SNX29: variants seen among roughly 807,000 people sequenced by gnomAD.
SNX29 encodes the protein sorting nexin 29.
Under a neutral mutation model 102.1 loss-of-function variants are expected in SNX29, and 78 were observed. The ratio of observed to expected loss-of-function variants is 0.76; its 90% CI spans 0.64 to 0.92. The LOEUF (loss-of-function observed/expected upper bound fraction) is 0.92, where lower values mean the gene tolerates loss of function less well. Ranked by LOEUF, SNX29 falls within the 40% of genes least tolerant of loss-of-function variation. The pLI is 0.00. For missense variants in SNX29, 1,280 were observed against 1,061.7 expected, an observed-to-expected ratio of 1.21 and a Z score of -2.86; for synonymous variants, 580 against 414.5, an observed-to-expected ratio of 1.40 and a Z score of -4.85.
intron 15 of SNX29, among the ~76,000 whole-genome samples, chr16:12,335,579 G>T (rs1162199808): frequency 6.6e-6 from 1 of 152,182 alleles, no homozygotes; most frequent in East Asian, 1.9e-4. Flanking sequence ...AGGAGGCTGA[G>T]GTGGGAGGAT....
intron 14 of SNX29, among the ~76,000 whole-genome samples, chr16:12,236,005 T>C (rs556902185): frequency 2.0e-5 from 3 of 152,350 alleles, no homozygotes; most frequent in Non-Finnish European, 4.4e-5. Flanking sequence ...GGGGACGGAA[T>C]AAATGTTATT....
At chr16:12,004,540 G>C (rs547137025) in intron 3 of SNX29, among the ~76,000 whole-genome samples, 32 of 152,174 alleles carry the variant, frequency 2.1e-4, no homozygotes, top group Admixed American at 1.1e-3. Context: ...TAGCCCCTGG[G>C]GTGGCAGGAG....
intron 3 of SNX29, among the ~76,000 whole-genome samples, chr16:12,023,963 T>G (rs1016923038): frequency 1.3e-5 from 2 of 152,154 alleles, no homozygotes; most frequent in Non-Finnish European, 2.9e-5. Flanking sequence ...GGTCACATTC[T>G]CTGTAGCAAC....
intron 1 of SNX29, chr16:11,983,794 C>A: frequency 2.7e-6 from 2 of 737,958 alleles, no homozygotes; most frequent in Non-Finnish European, 3.3e-6. Flanking sequence ...CAAATTGTGG[C>A]AATGTGAGCA....
At chr16:12,517,387 A>G (rs569538251) in intron 19 of SNX29, among the ~76,000 whole-genome samples, 3 of 152,238 alleles carry the variant, frequency 2.0e-5, no homozygotes, top group African/African-American at 7.2e-5. Context: ...GGGGCCTCTG[A>G]AGGCCTAGTT....
chr16:12,258,481 C>T (rs2078639593), intron 14 of SNX29, among the ~76,000 whole-genome samples: 1 of 152,082 alleles, frequency 6.6e-6, no homozygotes, highest in African/African-American at 2.4e-5. Context: ...CCTGAGGCAC[C>T]CTCTCCAGTG....
intron 1 of SNX29, among the ~76,000 whole-genome samples, chr16:11,986,287 C>T (rs2055622000): frequency 6.6e-6 from 1 of 151,456 alleles, no homozygotes; most frequent in Non-Finnish European, 1.5e-5. Flanking sequence ...ACCCCGCTTC[C>T]TCCGAGGAGG....
At chr16:12,001,258 C>T (rs748468578) in intron 2 of SNX29, among the ~76,000 whole-genome samples, 22 of 151,982 alleles carry the variant, frequency 1.4e-4, no homozygotes, top group Non-Finnish European at 2.4e-4. Flanking sequence ...ACTACAGGTC[C>T]GTGCCATCAC....
chr16:12,038,024 C>T (rs1191260093), intron 4 of SNX29, among the ~76,000 whole-genome samples: 1 of 151,942 alleles, frequency 6.6e-6, no homozygotes, highest in African/African-American at 2.4e-5. Context: ...AAAAGGAATG[C>T]TGTTTGGTGC....
At chr16:12,423,072 C>A (rs1030042765) in intron 18 of SNX29, among the ~76,000 whole-genome samples, 4 of 152,170 alleles carry the variant, frequency 2.6e-5, no homozygotes, top group African/African-American at 9.7e-5. Context: ...TAGTGTCATG[C>A]AGCAGTTGAG....
intron 18 of SNX29, among the ~76,000 whole-genome samples, chr16:12,420,696 A>G (rs1415878857): frequency 6.6e-6 from 1 of 152,234 alleles, no homozygotes; most frequent in Non-Finnish European, 1.5e-5. Context: ...TGATAGAGGT[A>G]AAGCCACTTA....
At chr16:12,023,564 C>G (rs1256244290) in intron 3 of SNX29, among the ~76,000 whole-genome samples, 2 of 144,664 alleles carry the variant, frequency 1.4e-5, no homozygotes, top group Admixed American at 7.0e-5. Context: ...GGTAACAGAG[C>G]AAGACCCTGT....
chr16:12,092,729 T>C (rs16958964), intron 11 of SNX29, among the ~76,000 whole-genome samples: 30,956 of 152,154 alleles, frequency 0.2, 3,203 homozygotes, highest in Admixed American at 0.26. Flanking sequence ...ATCCACATTC[T>C]CATTTGCGGT....
At chr16:12,541,762 C>G (rs192725005) in intron 20 of SNX29, among the ~76,000 whole-genome samples, 3 of 152,186 alleles carry the variant, frequency 2.0e-5, no homozygotes, top group Admixed American at 6.5e-5. Context: ...GTGCCTGATA[C>G]TGACCTGCGT....
intron 18 of SNX29, among the ~76,000 whole-genome samples, chr16:12,463,920 C>G (rs1209344239): frequency 6.7e-6 from 1 of 149,606 alleles, no homozygotes; most frequent in Admixed American, 6.7e-5. Context: ...GTATTGTTAG[C>G]CAGAGTCCCC....
chr16:12,181,596 G>A (rs2076386368), intron 13 of SNX29, among the ~76,000 whole-genome samples: 1 of 152,054 alleles, frequency 6.6e-6, no homozygotes, highest in South Asian at 2.1e-4. Context: ...GGGGCCCCAA[G>A]ATTTCTTTTC....
intron 20 of SNX29, among the ~76,000 whole-genome samples, chr16:12,555,654 C>T (rs148000295): frequency 6.6e-6 from 1 of 152,200 alleles, no homozygotes; most frequent in Non-Finnish European, 1.5e-5. Context: ...ATGCCAGACC[C>T]TGTCACTCCT....
intron 13 of SNX29, among the ~76,000 whole-genome samples, chr16:12,187,757 T>G (rs1291401727): frequency 6.6e-6 from 1 of 152,106 alleles, no homozygotes; most frequent in East Asian, 1.9e-4. Flanking sequence ...ACTGTTGGCA[T>G]TCACTCCTCC....
chr16:12,220,078 C>A (rs536441246), intron 14 of SNX29, among the ~76,000 whole-genome samples: 1 of 152,360 alleles, frequency 6.6e-6, no homozygotes, highest in South Asian at 2.1e-4. Flanking sequence ...TCCAGGGTCT[C>A]TTGCGACCTG....
Sources: allele counts gnomAD v4.1 joint callset (sites outside exome capture counted in the v4.1 genomes callset), GRCh38; gene constraint gnomAD v4.1.1; transcripts MANE v1.5; gene names NCBI Gene and HGNC (gene_info 2026-07-23, HGNC 2026-07-21).